The following LINGO2 variants were observed in gnomAD, a reference collection of about 807,000 sequenced individuals.
LINGO2 encodes leucine-rich repeat and immunoglobulin-like domain-containing nogo receptor-interacting protein 2.
In LINGO2, 14 loss-of-function variants were observed where a neutral mutation model predicts 30.6. That is an observed-to-expected ratio of 0.46 (90% confidence interval 0.30 to 0.72). The LOEUF (loss-of-function observed/expected upper bound fraction) is 0.72. Among genes scored for constraint, LINGO2 ranks in the 30% least tolerant of loss-of-function variants. The pLI is 0.07. For missense variants in LINGO2, 729 were observed against 751.7 expected (o/e 0.97, Z 0.35); for synonymous variants, 317 against 288.5 (o/e 1.10, Z -1.00).
chr9:28,801,121 A>C, the LINGO2 span, among the ~76,000 whole-genome samples: 8 of 152,158 alleles, frequency 5.3e-5, no homozygotes, highest in Middle Eastern at 3.4e-3. Context: ...TGAAGCATTA[A>C]CCCTCAAATA....
intron 1 of LINGO2, among the ~76,000 whole-genome samples, chr9:28,605,262 T>C (rs1298636701): frequency 6.6e-6 from 1 of 151,978 alleles, no homozygotes; most frequent in Non-Finnish European, 1.5e-5. Flanking sequence ...TTAAATTAAT[T>C]TTATCTGTTT....
the LINGO2 span, among the ~76,000 whole-genome samples, chr9:28,912,504 T>C: frequency 6.6e-6 from 1 of 152,166 alleles, no homozygotes; most frequent in African/African-American, 2.4e-5. Context: ...AATTATTGTT[T>C]GCTGCTCACC....
chr9:28,518,597 A>C (rs1055067832), intron 1 of LINGO2, among the ~76,000 whole-genome samples: 5 of 152,222 alleles, frequency 3.3e-5, no homozygotes, highest in Admixed American at 1.3e-4. Flanking sequence ...TTCTTTGATG[A>C]TGAATCATAG....
chr9:28,415,416 A>G (rs1231511133), intron 2 of LINGO2, among the ~76,000 whole-genome samples: 2 of 152,186 alleles, frequency 1.3e-5, no homozygotes, highest in Admixed American at 1.3e-4. Context: ...GATCAATGGC[A>G]TCCCATTATA....
intron 3 of LINGO2, among the ~76,000 whole-genome samples, chr9:28,351,252 G>C (rs1228293486): frequency 6.8e-6 from 1 of 146,174 alleles, no homozygotes. Context: ...TAGACCGCTA[G>C]CAAGACTAAT....
chr9:27,938,324 T>C, the LINGO2 span: 3 of 152,178 alleles, frequency 2.0e-5, no homozygotes, highest in Admixed American at 1.3e-4. Context: ...GCAGGGTTCA[T>C]ACTCAATGAT....
At chr9:28,348,831 G>T (rs1181388441) in intron 3 of LINGO2, among the ~76,000 whole-genome samples, 1 of 151,972 alleles carries the variant, frequency 6.6e-6, no homozygotes, top group Non-Finnish European at 1.5e-5. Flanking sequence ...CCTCAAGTGG[G>T]TCCCTGACCC....
At chr9:28,146,305 G>A (rs1010520713) in intron 4 of LINGO2, among the ~76,000 whole-genome samples, 1 of 152,094 alleles carries the variant, frequency 6.6e-6, no homozygotes, top group Non-Finnish European at 1.5e-5. Context: ...GAACTAGGAA[G>A]GAGAAGAGCC....
chr9:28,331,416 C>A (rs893806982), intron 3 of LINGO2, among the ~76,000 whole-genome samples: 1 of 152,080 alleles, frequency 6.6e-6, no homozygotes, highest in Non-Finnish European at 1.5e-5. Context: ...AGAAACTGGG[C>A]CCTAAGATAT....
At chr9:28,226,641 AG>A (rs1185986259) in intron 4 of LINGO2, among the ~76,000 whole-genome samples, 6 of 52,416 alleles carry the variant, frequency 1.1e-4, no homozygotes, top group African/African-American at 3.6e-4. Context: ...GAAGGAAAGA[AG>A]GAAAGAAAGA....
At chr9:28,767,578 G>T in the LINGO2 span, among the ~76,000 whole-genome samples, 1 of 151,962 alleles carries the variant, frequency 6.6e-6, no homozygotes, top group Non-Finnish European at 1.5e-5. Flanking sequence ...GAGGTCAGGA[G>T]ATCGAGACCA....
rs1298839189 is a variant in LINGO2 at position 28,147,609 on chromosome 9, A to G, written c.-86-135204T>C. On this transcript the variant is annotated intron_variant, in intron 4 of 5. Coordinates refer to ENST00000379992, the Ensembl canonical transcript of LINGO2. This position sits in a 1 kb window ranked among gnomAD's most constrained non-coding sequence, Gnocchi z 4.7. The stretch of plus-strand genomic sequence containing the variant: ...CCCGGGGGACAGGGCCGGCCAAGAC[A>G]GGGCCACTGGGTGCCAGCCAGCACC... Among the ~76,000 whole-genome samples, 1 of 152,074 alleles carries G rather than the reference A, an allele frequency of 6.6e-6. No individual in the cohort carries two copies.
chr9:28,552,640 T>C (rs957382647), intron 1 of LINGO2, among the ~76,000 whole-genome samples: 1 of 151,610 alleles, frequency 6.6e-6, no homozygotes, highest in Non-Finnish European at 1.5e-5. Flanking sequence ...GGGAACTTTT[T>C]ATGATTTTTT....
intron 1 of LINGO2, among the ~76,000 whole-genome samples, chr9:28,587,501 TG>T (rs1037371016): frequency 1.8e-4 from 28 of 151,776 alleles, no homozygotes; most frequent in African/African-American, 5.1e-4. Context: ...TAGGCTGGTG[TG>T]AGTGGTAAAG....
chr9:27,968,177 G>C (rs1563865161), intron 5 of LINGO2, among the ~76,000 whole-genome samples: 1 of 152,052 alleles, frequency 6.6e-6, no homozygotes, highest in South Asian at 2.1e-4. Flanking sequence ...ACAGCTTATA[G>C]TCTAGTAAGG....
At chr9:28,118,081 G>T (rs192401627) in intron 4 of LINGO2, among the ~76,000 whole-genome samples, 7 of 152,038 alleles carry the variant, frequency 4.6e-5, no homozygotes, top group Non-Finnish European at 7.4e-5. Context: ...GGGCCTGTTG[G>T]GGGGTGGAGT....
At chr9:28,053,757 A>G (rs1313874579) in intron 4 of LINGO2, among the ~76,000 whole-genome samples, 1 of 152,102 alleles carries the variant, frequency 6.6e-6, no homozygotes, top group African/African-American at 2.4e-5. Flanking sequence ...TAATTTTTAA[A>G]AGAACGTAAA....
intron 5 of LINGO2, among the ~76,000 whole-genome samples, chr9:27,978,327 T>A (rs1820700004): frequency 1.3e-5 from 2 of 152,096 alleles, no homozygotes; most frequent in Admixed American, 1.3e-4. Flanking sequence ...TAGATTTATG[T>A]CTAAATGGGG....
chr9:28,351,275 A>G (rs2134445280), intron 3 of LINGO2, among the ~76,000 whole-genome samples: 1 of 145,234 alleles, frequency 6.9e-6, no homozygotes. Flanking sequence ...AGAAAAAAAG[A>G]GAGAAGAATC....
Sources: allele counts gnomAD v4.1 joint callset (sites outside exome capture counted in the v4.1 genomes callset), GRCh38; gene constraint gnomAD v4.1.1; non-coding constraint Gnocchi (gnomAD v3.1); transcripts MANE v1.5; gene names NCBI Gene and HGNC (gene_info 2026-07-23, HGNC 2026-07-21).